Variants in DEPDC1B observed in about 807,000 individuals in gnomAD.
The protein encoded by DEPDC1B is DEP domain-containing protein 1B.
Under a neutral mutation model 66.5 loss-of-function variants are expected in DEPDC1B, and 51 were observed. The ratio of observed to expected loss-of-function variants is 0.77; its 90% CI spans 0.61 to 0.97. The LOEUF is 0.97. Among genes scored for constraint, DEPDC1B ranks in the 50% least tolerant of loss-of-function variants. The pLI is 0.00. For missense variants in DEPDC1B, 552 were observed against 637.1 expected, an observed-to-expected ratio of 0.87 and a Z score of 1.44; for synonymous variants, 226 against 223.6, an observed-to-expected ratio of 1.01 and a Z score of -0.10.
intron 1 of DEPDC1B, among the ~76,000 whole-genome samples, chr5:60,699,441 C>CCGACAAA (rs1754727056): frequency 7.2e-5 from 1 of 13,956 alleles, no homozygotes; most frequent in Admixed American, 7.2e-4. Flanking sequence ...GCTTTTCTCC[C>CCGACAAA]AGAAAAAAAA....
rs766249102 is a variant in DEPDC1B, at chr5:60,605,859, G to C, written c.899-3C>G. The C allele has an allele frequency of 3.2e-6, 5 of 1,582,112 alleles. No individual in the cohort carries two copies. In the South Asian group the frequency reaches 5.9e-5, roughly 19 times the overall value. On this transcript the variant is annotated splice_polypyrimidine_tract_variant and splice_region_variant and intron_variant, in intron 7 of 10. Coordinates refer to ENST00000265036, the MANE Select transcript of DEPDC1B (RefSeq NM_018369.3). ...CACTTTCTCCTTCTGTAACAAACCT[G>C]ATTTAGAAAAAAAAAAATGTTATCT...
chr5:60,625,194 C>T lies in DEPDC1B; in HGVS notation c.898+13556G>A, dbSNP rs565875436. Reference sequence around the variant, plus strand: ...GAGTCTTTGCTATTGTGAACAGTGCCGCAATAAACATACGTGTGCATGTGT... The same window carrying T: ...GAGTCTTTGCTATTGTGAACAGTGCTGCAATAAACATACGTGTGCATGTGT... On this transcript the variant is annotated intron_variant, in intron 7 of 10. Transcript: ENST00000265036. 8.9e-4 allele frequency among the ~76,000 whole-genome samples: 135 copies of T among 152,172 alleles called. 1 individual carries two copies. The highest frequency in any genetic ancestry group is 2.9e-3 in the Admixed American group (44 of 15,286).
intron 7 of DEPDC1B, among the ~76,000 whole-genome samples, chr5:60,623,549 T>C (rs2111794922): frequency 6.6e-6 from 1 of 152,038 alleles, no homozygotes. Flanking sequence ...TTGAAAACTC[T>C]ACAAAAAAAA....
In DEPDC1B at chr5:60,627,664, TCTAA is replaced by T. The variant is rs572125321; in HGVS notation, c.898+11082_898+11085del. On this transcript the variant is annotated intron_variant, in intron 7 of 10. Coordinates refer to ENST00000265036, the MANE Select transcript of DEPDC1B (RefSeq NM_018369.3). ...TTCCAAATGATATAATAGTGCTTTC[TCTAA>T]CTACAAATTGTTAAGATCTCTCACA... Among the ~76,000 whole-genome samples the T allele has an allele frequency of 2.0e-5, 3 of 152,166 alleles. No individual in the cohort carries two copies. The South Asian group carries it at 6.2e-4, about 31-fold the overall frequency.
At chr5:60,675,919 T>C (rs1344862962) in intron 2 of DEPDC1B, among the ~76,000 whole-genome samples, 1 of 148,330 alleles carries the variant, frequency 6.7e-6, no homozygotes, top group African/African-American at 2.5e-5. Context: ...TTTTTTTTTG[T>C]TTTTTGTTTT....
intron 7 of DEPDC1B, among the ~76,000 whole-genome samples, chr5:60,616,866 A>T (rs1752567704): frequency 6.6e-6 from 1 of 152,186 alleles, no homozygotes; most frequent in South Asian, 2.1e-4. Context: ...TGAAGGAAAA[A>T]ATGTTAAGGG....
chr5:60,616,410 C>G (rs911240719), intron 7 of DEPDC1B, among the ~76,000 whole-genome samples: 1 of 152,010 alleles, frequency 6.6e-6, no homozygotes, highest in Non-Finnish European at 1.5e-5. Flanking sequence ...ATCAGACGAA[C>G]GGCTAACTAG....
chr5:60,644,212 T>C (rs1753257576), intron 5 of DEPDC1B, among the ~76,000 whole-genome samples: 2 of 152,348 alleles, frequency 1.3e-5, no homozygotes, highest in Non-Finnish European at 2.9e-5. Flanking sequence ...GTTAGGTGGC[T>C]GTTATATGGT....
At chr5:60,667,852 TAC>T (rs1331607049) in intron 2 of DEPDC1B, among the ~76,000 whole-genome samples, 968 of 87,774 alleles carry the variant, frequency 0.011, 198 homozygotes, top group Middle Eastern at 0.014. Flanking sequence ...ATGGATATTT[TAC>T]ATATATGTAA....
intron 2 of DEPDC1B, among the ~76,000 whole-genome samples, chr5:60,675,014 C>T (rs975737427): frequency 6.6e-5 from 10 of 152,188 alleles, no homozygotes; most frequent in Admixed American, 4.6e-4. Context: ...CAGTCCACCA[C>T]GTCTGTCACA....
intron 2 of DEPDC1B, among the ~76,000 whole-genome samples, chr5:60,685,253 G>A (rs1025436697): frequency 3.3e-5 from 5 of 152,032 alleles, no homozygotes; most frequent in East Asian, 1.9e-4. Flanking sequence ...TTCAAGGCAC[G>A]GGCACCTTAA....
intron 1 of DEPDC1B, among the ~76,000 whole-genome samples, chr5:60,697,897 T>C (rs1477854488): frequency 6.6e-6 from 1 of 152,140 alleles, no homozygotes; most frequent in Non-Finnish European, 1.5e-5. Context: ...TTAAACAAAT[T>C]CCTTTGATAA....
intron 7 of DEPDC1B, among the ~76,000 whole-genome samples, chr5:60,629,973 A>G (rs1752887870): frequency 6.6e-6 from 1 of 152,102 alleles, no homozygotes; most frequent in African/African-American, 2.4e-5. Context: ...ATTTTCCTCT[A>G]TGTTTTTCTC....
intron 2 of DEPDC1B, among the ~76,000 whole-genome samples, chr5:60,654,153 T>C (rs192589175): frequency 2.0e-5 from 3 of 149,188 alleles, no homozygotes; most frequent in African/African-American, 7.6e-5. Flanking sequence ...ATGATGGTGG[T>C]ATATTAATGG....
At chr5:60,647,377 T>C (rs751419497) in intron 3 of DEPDC1B, 21 bp downstream of exon 3, 2 of 1,577,804 alleles carry the variant, frequency 1.3e-6, no homozygotes, top group Non-Finnish European at 8.6e-7. Context: ...AGCCCTTCCA[T>C]CTTTCAGTCA....
chr5:60,601,095 T>C (rs1023779593), intron 9 of DEPDC1B, among the ~76,000 whole-genome samples: 1 of 152,206 alleles, frequency 6.6e-6, no homozygotes, highest in African/African-American at 2.4e-5. Flanking sequence ...TCTGCCATGA[T>C]TGTAAGTTTC....
chr5:60,620,840 C>T (rs1449877417), intron 7 of DEPDC1B, among the ~76,000 whole-genome samples: 6 of 152,224 alleles, frequency 3.9e-5, no homozygotes, highest in African/African-American at 9.6e-5. Flanking sequence ...CACATGCACA[C>T]GTATGTTTAT....
intron 7 of DEPDC1B, among the ~76,000 whole-genome samples, chr5:60,634,892 G>T (rs1484882343): frequency 6.7e-6 from 1 of 149,022 alleles, no homozygotes; most frequent in East Asian, 2.1e-4. Context: ...ATCTTTAAAA[G>T]CTCCAGCCAA....
chr5:60,668,314 A>ACCCAGGCT (rs887235027), intron 2 of DEPDC1B, among the ~76,000 whole-genome samples: 2 of 142,740 alleles, frequency 1.4e-5, no homozygotes, highest in Non-Finnish European at 3.0e-5. Context: ...TCGCTCTGTC[A>ACCCAGGCT]CCCAGGCTAG....
Sources: allele counts gnomAD v4.1 joint callset (sites outside exome capture counted in the v4.1 genomes callset), GRCh38; gene constraint gnomAD v4.1.1; transcripts MANE v1.5; gene names NCBI Gene and HGNC (gene_info 2026-07-23, HGNC 2026-07-21).